The following PDLIM5 variants were observed in gnomAD, a reference collection of about 807,000 sequenced individuals.
PDLIM5 encodes the protein PDZ and LIM domain protein 5.
In PDLIM5, 34 loss-of-function variants were observed where a neutral mutation model predicts 64.2. The ratio of observed to expected loss-of-function variants is 0.53; its 90% confidence interval spans 0.40 to 0.71. The LOEUF (loss-of-function observed/expected upper bound fraction) is 0.71. PDLIM5 is among the 30% of genes least tolerant of loss of function. PDLIM5 has a pLI of 0.00. For synonymous variants in PDLIM5, 253 were observed against 269.1 expected, an observed-to-expected ratio of 0.94 and a Z score of 0.59; for missense variants, 683 against 733.6, an observed-to-expected ratio of 0.93 and a Z score of 0.80.
intron 3 of PDLIM5, among the ~76,000 whole-genome samples, chr4:94,538,369 A>G (rs557425391): frequency 5.9e-5 from 9 of 152,292 alleles, no homozygotes; most frequent in African/African-American, 2.2e-4. Flanking sequence ...AGAGCCCTTT[A>G]TCTTTATTTA....
rs375019235 is a variant in PDLIM5 at position 94,575,937 on chromosome 4, C to T, written c.613C>T (p.Arg205Trp). 4.5e-5 allele frequency: 72 copies of T among 1,613,958 alleles called. No homozygotes were observed. Among genetic ancestry groups the T allele is most frequent in the Non-Finnish European group, 5.8e-5 (69 of 1,179,948 alleles). ...SAGKTAVNVP[R>W]QPTVTSVCSE... ...TGGTAAAACTGCAGTTAATGTCCCA[C>T]GGCAGCCCACAGTCACCAGCGTGTG... Residue 205 changes from arginine to tryptophan, a missense_variant, in exon 5 of 13, where the codon CGG becomes TGG. Arg to Trp is a moderately radical substitution (Grantham distance 101). Coordinates refer to ENST00000317968, the MANE Select transcript of PDLIM5 (RefSeq NM_006457.5).
intron 10 of PDLIM5, among the ~76,000 whole-genome samples, chr4:94,655,957 T>C (rs1232448805): frequency 2.6e-5 from 4 of 152,356 alleles, no homozygotes; most frequent in Non-Finnish European, 5.9e-5. Flanking sequence ...TCATGGTGAA[T>C]TTTTTGGATC....
At chr4:94,610,489 T>TA (rs1199849929) in intron 7 of PDLIM5, among the ~76,000 whole-genome samples, 1 of 152,218 alleles carries the variant, frequency 6.6e-6, no homozygotes, top group Non-Finnish European at 1.5e-5. Context: ...GGTTTTTTCT[T>TA]AAAAAATCAC....
intron 7 of PDLIM5, among the ~76,000 whole-genome samples, chr4:94,604,068 TA>T (rs1324573580): frequency 6.6e-6 from 1 of 152,000 alleles, no homozygotes; most frequent in Admixed American, 6.6e-5. Context: ...CAGGACAGAG[TA>T]ATGTCACTGT....
At chr4:94,573,459 T>C (rs1560712534) in intron 4 of PDLIM5, 66 bp downstream of exon 4, 7 of 1,191,846 alleles carry the variant, frequency 5.9e-6, no homozygotes, top group Non-Finnish European at 8.8e-6. Context: ...GTAATTCCCA[T>C]TACTGTCTCA....
chr4:94,523,711 A>C lies in PDLIM5; in HGVS notation c.97-13A>C. On this transcript the variant is annotated splice_polypyrimidine_tract_variant and intron_variant, in intron 2 of 12. Coordinates refer to ENST00000317968, the MANE Select transcript of PDLIM5 (RefSeq NM_006457.5). Reference sequence around the variant, plus strand: ...CAAAGAGTGACACTCCTAATGAAATATATTTATTACAGCTAAAAGATGGCG... The same window carrying C: ...CAAAGAGTGACACTCCTAATGAAATCTATTTATTACAGCTAAAAGATGGCG... 3 of 1,604,402 alleles carry C rather than the reference A, an allele frequency of 1.9e-6. No individual in the cohort carries two copies. The highest frequency in any genetic ancestry group is 2.6e-6 in the Non-Finnish European group (3 of 1,172,570).
chr4:94,606,260 C>T (rs892998435), intron 7 of PDLIM5, among the ~76,000 whole-genome samples: 3 of 152,010 alleles, frequency 2.0e-5, no homozygotes, highest in Non-Finnish European at 2.9e-5. Context: ...AAACAAATAA[C>T]GACACAAATT....
chr4:94,663,374 C>T (rs1259770452), intron 12 of PDLIM5, among the ~76,000 whole-genome samples: 6 of 152,068 alleles, frequency 3.9e-5, no homozygotes, highest in Non-Finnish European at 5.9e-5. Flanking sequence ...TAAAGCTGTT[C>T]ATTCTAATTA....
rs1743046320 is a variant in PDLIM5, at chr4:94,665,639, G to A, written c.*1572G>A. 2.0e-6 allele frequency: 2 copies of A among 1,022,354 alleles called. No homozygotes were observed. Among genetic ancestry groups the A allele is most frequent in the Non-Finnish European group, 2.3e-6 (2 of 854,578 alleles). 63.3% of individuals were successfully genotyped at this position (1,022,354 alleles called of 1,614,324 possible). On this transcript the variant is annotated 3_prime_UTR_variant, in exon 13 of 13. Coordinates refer to ENST00000317968, the MANE Select transcript of PDLIM5 (RefSeq NM_006457.5). ...AATCAGTTTCTGAGTTATGCCACTG[G>A]CTGATGAAGAGTTGAGAGGTCTCTT...
chr4:94,565,276 C>CAA (rs1734218208), intron 3 of PDLIM5, among the ~76,000 whole-genome samples: 1 of 152,050 alleles, frequency 6.6e-6, no homozygotes, highest in South Asian at 2.1e-4. Flanking sequence ...AAAATACAGG[C>CAA]TGATTCAAAA....
chr4:94,659,066 AC>A (rs1410814769), intron 11 of PDLIM5, among the ~76,000 whole-genome samples: 3 of 152,256 alleles, frequency 2.0e-5, no homozygotes, highest in Non-Finnish European at 2.9e-5. Flanking sequence ...CTAAATAATT[AC>A]TTATAGGAAA....
intron 5 of PDLIM5, among the ~76,000 whole-genome samples, chr4:94,576,769 G>A (rs766917513): frequency 2.0e-5 from 3 of 151,978 alleles, no homozygotes; most frequent in Non-Finnish European, 4.4e-5. Context: ...TTCCCTTTTG[G>A]GGGTATCTTT....
intron 2 of PDLIM5, among the ~76,000 whole-genome samples, chr4:94,487,672 A>G (rs1726478144): frequency 6.6e-6 from 1 of 152,218 alleles, no homozygotes; most frequent in Non-Finnish European, 1.5e-5. Flanking sequence ...CATGGTGCTT[A>G]CTGGTGACAT....
chr4:94,455,244 C>T lies in PDLIM5; in HGVS notation c.-42-3C>T. 1 of 1,110,586 alleles carries T rather than the reference C, an allele frequency of 9.0e-7. No homozygotes were observed. The highest frequency in any genetic ancestry group is 1.4e-6 in the Non-Finnish European group (1 of 731,146). The allele number at this position is 1,110,586 out of a possible 1,614,324, so 68.8% of individuals were successfully genotyped here. ...TTGCTAATCATCTGATTTTCTTTCA[C>T]AGCATATTTCATTTTCTGTCATTGG... On this transcript the variant is annotated splice_polypyrimidine_tract_variant and splice_region_variant and intron_variant, in intron 1 of 12. Coordinates refer to ENST00000317968, the MANE Select transcript of PDLIM5 (RefSeq NM_006457.5).
At chr4:94,656,596 T>G (rs888258103) in intron 10 of PDLIM5, among the ~76,000 whole-genome samples, 4 of 149,120 alleles carry the variant, frequency 2.7e-5, no homozygotes, top group Non-Finnish European at 3.0e-5. Context: ...ATGTAATATA[T>G]ACAACTATAT....
At chr4:94,587,219 T>C in intron 7 of PDLIM5, 1 of 1,452,406 alleles carries the variant, frequency 6.9e-7, no homozygotes, top group South Asian at 1.5e-5. Context: ...AACAATTTCC[T>C]ATTGTTGTGA....
chr4:94,523,191 T>C (rs868747853), intron 2 of PDLIM5, among the ~76,000 whole-genome samples: 24 of 152,200 alleles, frequency 1.6e-4, no homozygotes, highest in Admixed American at 7.9e-4. Context: ...TAAAAGATAT[T>C]TGGGCTTGGA....
At chr4:94,475,609 T>A (rs1725255686) in intron 2 of PDLIM5, among the ~76,000 whole-genome samples, 1 of 152,122 alleles carries the variant, frequency 6.6e-6, no homozygotes, top group Non-Finnish European at 1.5e-5. Flanking sequence ...TTACCAGGGT[T>A]AAGGGGCAGG....
chr4:94,530,510 A>AATATATATATATATATATATATATAT (rs36209951), intron 3 of PDLIM5, among the ~76,000 whole-genome samples: 5 of 140,588 alleles, frequency 3.6e-5, no homozygotes, highest in Non-Finnish European at 4.5e-5. Context: ...GGAATCACAG[A>AATATATATATATATATATATATATAT]ATATATATAT....
Sources: allele counts gnomAD v4.1 joint callset (sites outside exome capture counted in the v4.1 genomes callset), GRCh38; gene constraint gnomAD v4.1.1; transcripts MANE v1.5; gene names NCBI Gene and HGNC (gene_info 2026-07-23, HGNC 2026-07-21).